Variants in EEFSEC observed in about 807,000 individuals in gnomAD.
EEFSEC encodes the protein selenocysteine-specific elongation factor.
EEFSEC carries 43 observed loss-of-function variants against 42.1 expected under a neutral mutation model. The ratio of observed to expected loss-of-function variants is 1.02; its 90% CI spans 0.80 to 1.32. EEFSEC has a LOEUF of 1.32. Ranked by LOEUF, EEFSEC falls within the 40% of genes most tolerant of loss-of-function variation. EEFSEC has a pLI of 0.00. For missense variants in EEFSEC, 745 were observed against 803.6 expected, an observed-to-expected ratio of 0.93 and a Z score of 0.88; for synonymous variants, 354 against 339.1, an observed-to-expected ratio of 1.04 and a Z score of -0.48.
At chr3:128,411,646 G>C (rs1333687312), downstream of EEFSEC, among the ~76,000 whole-genome samples, 1 of 152,254 alleles carries the variant, frequency 6.6e-6, no homozygotes, top group Non-Finnish European at 1.5e-5. Context: ...TGGGGCAGGA[G>C]GGGCAGCGGT....
At chr3:128,354,912 T>A (rs1410589180) in intron 5 of EEFSEC, among the ~76,000 whole-genome samples, 1 of 152,166 alleles carries the variant, frequency 6.6e-6, no homozygotes, top group Non-Finnish European at 1.5e-5. Context: ...CTGCTGTGTT[T>A]AGCATGAGGG....
At chr3:128,290,731 T>C (rs1283141500) in intron 4 of EEFSEC, among the ~76,000 whole-genome samples, 2 of 152,010 alleles carry the variant, frequency 1.3e-5, no homozygotes, top group Non-Finnish European at 2.9e-5. Context: ...GTTTTATCGT[T>C]TTTTGGGGTT....
At chr3:128,333,815 A>C (rs1248760857) in intron 4 of EEFSEC, among the ~76,000 whole-genome samples, 1 of 152,186 alleles carries the variant, frequency 6.6e-6, no homozygotes, top group Non-Finnish European at 1.5e-5. Context: ...GGGAAACCAG[A>C]TCATGCTGGG....
chr3:128,310,627 C>T (rs562634959), intron 4 of EEFSEC, among the ~76,000 whole-genome samples: 1 of 152,314 alleles, frequency 6.6e-6, no homozygotes, highest in South Asian at 2.1e-4. Flanking sequence ...GTATCATGAC[C>T]CAATGCACAT....
rs964213373 is a variant in EEFSEC at position 128,341,479 on chromosome 3, A to G, written c.1033A>G (p.Met345Val). 2 of 1,614,196 alleles carry G rather than the reference A, an allele frequency of 1.2e-6. No individual in the cohort carries two copies. The highest frequency in any genetic ancestry group is 1.7e-6 in the Non-Finnish European group (2 of 1,180,042). ...FHITVGHETV[M>V]GRLMFFSPAP... Reference sequence around the variant, plus strand: ...CATTACAGTGGGCCATGAAACAGTCATGGGCCGGTTGATGTTCTTCAGTCC... The same window carrying G: ...CATTACAGTGGGCCATGAAACAGTCGTGGGCCGGTTGATGTTCTTCAGTCC... Residue 345 changes from methionine to valine, a missense_variant, in exon 5 of 7, where the codon ATG (methionine) becomes GTG (valine). Transcript: ENST00000254730.
intron 2 of EEFSEC, among the ~76,000 whole-genome samples, chr3:128,256,850 CCTT>C (rs1445353740): frequency 1.3e-5 from 2 of 152,166 alleles, no homozygotes; most frequent in Non-Finnish European, 2.9e-5. Flanking sequence ...CTCAAGCAAT[CCTT>C]CTGCTTCAGC....
chr3:128,350,448 T>C (rs1391269237), intron 5 of EEFSEC, among the ~76,000 whole-genome samples: 2 of 152,192 alleles, frequency 1.3e-5, no homozygotes, highest in South Asian at 2.1e-4. Context: ...GAAGGCCACA[T>C]TGGCTCCCAG....
intron 4 of EEFSEC, among the ~76,000 whole-genome samples, chr3:128,291,232 A>G (rs187295366): frequency 1.3e-5 from 2 of 152,282 alleles, no homozygotes; most frequent in East Asian, 3.9e-4. Context: ...GTATATAGAA[A>G]TACAATTGAT....
chr3:128,197,568 C>T (rs1268225500), intron 1 of EEFSEC, among the ~76,000 whole-genome samples: 6 of 152,208 alleles, frequency 3.9e-5, no homozygotes, highest in East Asian at 3.9e-4. Flanking sequence ...CCACTGCGCC[C>T]GGCCGGAAAT....
chr3:128,389,786 G>A (rs1182878350), intron 6 of EEFSEC, among the ~76,000 whole-genome samples: 6 of 152,252 alleles, frequency 3.9e-5, no homozygotes, highest in Admixed American at 3.9e-4. Flanking sequence ...GTGATGTGGT[G>A]TGGACTGAGG....
intron 4 of EEFSEC, among the ~76,000 whole-genome samples, chr3:128,305,253 G>A (rs2066814356): frequency 6.6e-6 from 1 of 151,982 alleles, no homozygotes; most frequent in Non-Finnish European, 1.5e-5. Context: ...ATTCTGGAAG[G>A]TATCCTACTT....
At chr3:128,154,594 C>T (rs1318175221) in intron 1 of EEFSEC, among the ~76,000 whole-genome samples, 7 of 151,902 alleles carry the variant, frequency 4.6e-5, no homozygotes, top group Non-Finnish European at 1.0e-4. Context: ...GGATTACAGG[C>T]GCGCGCCACC....
intron 1 of EEFSEC, among the ~76,000 whole-genome samples, chr3:128,238,284 A>T (rs1462450986): frequency 6.6e-6 from 1 of 152,242 alleles, no homozygotes; most frequent in Admixed American, 6.5e-5. Context: ...CTCCTCAGCC[A>T]CATCAGACAA....
At chr3:128,296,251 T>C (rs1304728075) in intron 4 of EEFSEC, among the ~76,000 whole-genome samples, 1 of 152,194 alleles carries the variant, frequency 6.6e-6, no homozygotes, top group Non-Finnish European at 1.5e-5. Flanking sequence ...TCTTGAAATA[T>C]GACCAGCAGG....
At chr3:128,410,389 TGAG>T (rs1189765873), downstream of EEFSEC, among the ~76,000 whole-genome samples, 1 of 152,156 alleles carries the variant, frequency 6.6e-6, no homozygotes, top group East Asian at 1.9e-4. Flanking sequence ...CCTTTCTAAA[TGAG>T]GGGTGATGTG....
At chr3:128,363,350 C>T (rs1467237654) in intron 6 of EEFSEC, among the ~76,000 whole-genome samples, 4 of 152,230 alleles carry the variant, frequency 2.6e-5, no homozygotes, top group Non-Finnish European at 5.9e-5. Flanking sequence ...AGCAAACATC[C>T]ACACCTGAGA....
At chr3:128,248,458 C>T (rs974028464) in intron 2 of EEFSEC, among the ~76,000 whole-genome samples, 1 of 152,224 alleles carries the variant, frequency 6.6e-6, no homozygotes, top group Admixed American at 6.5e-5. Context: ...AAAAGATTTT[C>T]TAGCGCTGCC....
chr3:128,395,212 G>C (rs114710326), intron 6 of EEFSEC, among the ~76,000 whole-genome samples: 1 of 152,190 alleles, frequency 6.6e-6, no homozygotes, highest in Admixed American at 6.5e-5. Context: ...GGAGGTTTCA[G>C]CATGTGTGTG....
At chr3:128,332,244 C>T (rs2067142098) in intron 4 of EEFSEC, among the ~76,000 whole-genome samples, 1 of 152,080 alleles carries the variant, frequency 6.6e-6, no homozygotes, top group African/African-American at 2.4e-5. Flanking sequence ...TATATTGCTG[C>T]AGGAGGGAGG....
Sources: gnomAD v4.1 joint callset for allele counts (sites outside exome capture counted in the v4.1 genomes callset) on GRCh38, gnomAD v4.1.1 for gene constraint, MANE v1.5 for transcripts, NCBI Gene and HGNC (gene_info 2026-07-23, HGNC 2026-07-21) for gene names.